The following CAPN11 variants were observed in gnomAD, a reference collection of about 807,000 sequenced individuals.
The protein encoded by CAPN11 is calpain-11.
CAPN11 carries 108 observed loss-of-function variants against 105.3 expected under a neutral mutation model. The ratio of observed to expected loss-of-function variants is 1.03; its 90% CI spans 0.88 to 1.20. The LOEUF (loss-of-function observed/expected upper bound fraction) is 1.20, where lower values mean the gene tolerates loss of function less well. Ranked by LOEUF, CAPN11 falls within the 50% of genes most tolerant of loss-of-function variation. CAPN11 has a pLI of 0.00. For synonymous variants in CAPN11, 329 were observed against 344.5 expected (o/e 0.96, Z 0.50); for missense variants, 883 against 924.8 (o/e 0.95, Z 0.59).
chr6:44,180,426 T>G, intron 14 of CAPN11, 34 bp from the exon 15 acceptor site: 30 of 1,428,002 alleles, frequency 2.1e-5, no homozygotes, highest in Non-Finnish European at 2.4e-5. Flanking sequence ...TCCCTCCCCC[T>G]GGTAACTCTT....
intron 7 of CAPN11, among the ~76,000 whole-genome samples, chr6:44,175,134 G>T (rs570133634): frequency 6.6e-6 from 1 of 152,122 alleles, no homozygotes; most frequent in African/African-American, 2.4e-5. Flanking sequence ...ACACAAAAGT[G>T]AGCACTTGTA....
chr6:44,177,654 T>G, intron 12 of CAPN11: 1 of 490,548 alleles, frequency 2.0e-6, no homozygotes, highest in Non-Finnish European at 3.7e-6. Flanking sequence ...GCCCAGCTAA[T>G]TTTTGTATTT....
intron 5 of CAPN11, 78 bp from the exon 6 acceptor site, chr6:44,172,862 C>A: frequency 2.1e-6 from 3 of 1,447,014 alleles, no homozygotes; most frequent in Non-Finnish European, 2.8e-6. Flanking sequence ...CTGACACTGG[C>A]GTGTCATCAG....
intron 1 of CAPN11, among the ~76,000 whole-genome samples, chr6:44,165,314 T>G (rs1459294013): frequency 1.3e-5 from 2 of 152,214 alleles, no homozygotes; most frequent in Non-Finnish European, 2.9e-5. Context: ...AAGGTTAATT[T>G]ATTGAGTGAG....
chr6:44,181,550 CACT>C (rs1561854238), intron 19 of CAPN11, among the ~76,000 whole-genome samples: 1 of 76,216 alleles, frequency 1.3e-5, no homozygotes, highest in East Asian at 4.8e-4. Flanking sequence ...CACACACACA[CACT>C]CACATACAGA....
At chr6:44,170,324 G>T (rs1770752978) in intron 4 of CAPN11, among the ~76,000 whole-genome samples, 7 of 152,220 alleles carry the variant, frequency 4.6e-5, no homozygotes, top group Admixed American at 4.6e-4. Flanking sequence ...CACTGGATGG[G>T]TCTAGTTCAG....
chr6:44,169,333 C>T lies in CAPN11; in HGVS notation c.141C>T (p.Leu47=). The change falls in exon 3 of 23, where the codon CTC becomes CTT. Residue 47 remains leucine (L), a synonymous_variant. Coordinates refer to ENST00000398776, the MANE Select transcript of CAPN11 (RefSeq NM_007058.4). ...TGGCTCACATAAACAACAGCCGGCT[C>T]AAGGCCAAGGGCGTGGGCCAGCACG... The part of the protein sequence containing the change: ...GMVAHINNSR[L]KAKGVGQHDN... 1 of 1,613,896 alleles carries T rather than the reference C, an allele frequency of 6.2e-7. No individual in the cohort carries two copies. Among genetic ancestry groups the T allele is most frequent in the South Asian group, 1.1e-5 (1 of 91,058 alleles).
chr6:44,170,230 T>A (rs1034504044), intron 4 of CAPN11, among the ~76,000 whole-genome samples: 1 of 152,160 alleles, frequency 6.6e-6, no homozygotes, highest in Non-Finnish European at 1.5e-5. Flanking sequence ...TTTGACTACA[T>A]AATAAATTAC....
intron 5 of CAPN11, 111 bp downstream of exon 5, chr6:44,172,531 G>A: frequency 3.0e-6 from 2 of 676,896 alleles, no homozygotes; most frequent in Non-Finnish European, 4.9e-6. Context: ...ATTAGGGTGG[G>A]TTTTGGACTA....
chr6:44,182,533 C>T (rs1773949480), intron 19 of CAPN11, among the ~76,000 whole-genome samples: 1 of 152,202 alleles, frequency 6.6e-6, no homozygotes, highest in Non-Finnish European at 1.5e-5. Context: ...AGGAGTGGGC[C>T]AGGGTTGGAG....
At chr6:44,163,065 G>A (rs1270536029) in intron 1 of CAPN11, among the ~76,000 whole-genome samples, 1 of 152,160 alleles carries the variant, frequency 6.6e-6, no homozygotes, top group African/African-American at 2.4e-5. Context: ...GTGGGGAGAA[G>A]GTGAGTAACG....
chr6:44,165,299 T>C (rs1200305627), intron 1 of CAPN11, among the ~76,000 whole-genome samples: 1 of 152,224 alleles, frequency 6.6e-6, no homozygotes, highest in Non-Finnish European at 1.5e-5. Flanking sequence ...AGATTTTTGC[T>C]ATTTAAGGTT....
intron 2 of CAPN11, 76 bp from the exon 3 acceptor site, chr6:44,169,205 A>T: frequency 6.9e-7 from 1 of 1,448,068 alleles, no homozygotes; most frequent in Non-Finnish European, 9.3e-7. Context: ...AAGTGCTGAG[A>T]TTACAGGAGT....
In CAPN11 at chr6:44,164,739, A is replaced by G. The variant is rs1309337589; in HGVS notation, c.17-2019A>G. 2.0e-5 allele frequency among the ~76,000 whole-genome samples: 3 copies of G among 152,200 alleles called. No individual in the cohort carries two copies. The East Asian group carries it at 5.8e-4, about 29-fold the overall frequency. On this transcript the variant is annotated intron_variant, in intron 1 of 22. Coordinates refer to ENST00000398776, the MANE Select transcript of CAPN11 (RefSeq NM_007058.4). ...CAAGGATGGGAAGAGGAATGAGGGTAACCTGTGCAGAAAGTCGTGGGGCCA... is the reference window on the plus strand; with the variant it reads ...CAAGGATGGGAAGAGGAATGAGGGTGACCTGTGCAGAAAGTCGTGGGGCCA...
intron 1 of CAPN11, among the ~76,000 whole-genome samples, chr6:44,165,778 T>C (rs2128294052): frequency 6.6e-6 from 1 of 152,204 alleles, no homozygotes; most frequent in East Asian, 1.9e-4. Flanking sequence ...TGGAGGGGGC[T>C]CTGGGGGCTG....
At chr6:44,167,497 CAA>C (rs61107654) in intron 2 of CAPN11, among the ~76,000 whole-genome samples, 629 of 26,936 alleles carry the variant, frequency 0.023, 3 homozygotes, top group African/African-American at 0.07. Context: ...GACTCCATCT[CAA>C]AAAAAAAAAA....
Position 44,176,358 on chromosome 6 carries a change from G to A in CAPN11, c.1001+20G>A. The A allele has an allele frequency of 6.2e-7, 1 of 1,604,892 alleles. No homozygotes were observed. The highest frequency in any genetic ancestry group is 2.2e-5 in the East Asian group (1 of 44,814). On this transcript the variant is annotated intron_variant, in intron 9 of 22. Coordinates refer to ENST00000398776, the MANE Select transcript of CAPN11 (RefSeq NM_007058.4). ...TGACAGGTAGGTGTCCCCAACCCAG[G>A]TGAGGGGTGGTCGGAGGATACAGCA... is the stretch of plus-strand genomic sequence containing the variant.
intron 19 of CAPN11, 33 bp downstream of exon 19, chr6:44,181,353 T>C: frequency 1.3e-6 from 2 of 1,592,888 alleles, no homozygotes; most frequent in Non-Finnish European, 8.6e-7. Context: ...CCTCCAGGGG[T>C]GAGGAAAAGA....
intron 1 of CAPN11, among the ~76,000 whole-genome samples, chr6:44,159,408 G>C (rs1420207393): frequency 6.6e-6 from 1 of 152,098 alleles, no homozygotes; most frequent in Admixed American, 6.5e-5. Flanking sequence ...GGGAAGGGGA[G>C]GGCTGGGCAG....
Sources: allele counts gnomAD v4.1 joint callset (sites outside exome capture counted in the v4.1 genomes callset), GRCh38; gene constraint gnomAD v4.1.1; transcripts MANE v1.5; gene names NCBI Gene and HGNC (gene_info 2026-07-23, HGNC 2026-07-21).